The following ANKS1B variants were observed in gnomAD, a reference collection of about 807,000 sequenced individuals.
ANKS1B encodes ankyrin repeat and sterile alpha motif domain-containing protein 1B.
Under a neutral mutation model 148.3 loss-of-function variants are expected in ANKS1B, and 36 were observed. The observed-to-expected ratio is 0.24, with a 90% CI of 0.19 to 0.32. The LOEUF (loss-of-function observed/expected upper bound fraction) is 0.32. Among genes scored for constraint, ANKS1B ranks in the 10% least tolerant of loss-of-function variants. ANKS1B has a pLI of 1.00. For missense variants in ANKS1B, 1,157 were observed against 1,542.6 expected (o/e 0.75, Z 4.19); for synonymous variants, 542 against 560.8 (o/e 0.97, Z 0.47).
intron 8 of ANKS1B, among the ~76,000 whole-genome samples, chr12:99,745,440 A>G (rs1263492956): frequency 6.6e-6 from 1 of 152,226 alleles, no homozygotes; most frequent in Non-Finnish European, 1.5e-5. Context: ...AAGCACTTCA[A>G]AAAACAACAT....
chr12:99,570,639 T>G (rs1023270783), intron 9 of ANKS1B, among the ~76,000 whole-genome samples: 5 of 141,416 alleles, frequency 3.5e-5, no homozygotes, highest in Non-Finnish European at 7.7e-5. Context: ...GAGCGAGACT[T>G]CGTCTCAAAA....
chr12:99,638,849 C>T (rs2098270720), intron 9 of ANKS1B, among the ~76,000 whole-genome samples: 1 of 152,190 alleles, frequency 6.6e-6, no homozygotes, highest in South Asian at 2.1e-4. Flanking sequence ...AACTTGGCGC[C>T]CTGCATCCCA....
At chr12:99,612,211 A>G (rs2097908742) in intron 9 of ANKS1B, among the ~76,000 whole-genome samples, 1 of 152,086 alleles carries the variant, frequency 6.6e-6, no homozygotes, top group South Asian at 2.1e-4. Flanking sequence ...CATATCCCAA[A>G]GATTAATGGT....
chr12:99,064,530 C>T (rs2043446747), intron 16 of ANKS1B, among the ~76,000 whole-genome samples: 5 of 152,182 alleles, frequency 3.3e-5, no homozygotes, highest in African/African-American at 9.7e-5. Context: ...AGTTAAGTTG[C>T]CAATGCAGCC....
At chr12:99,325,932 G>A (rs904880208) in intron 12 of ANKS1B, among the ~76,000 whole-genome samples, 6 of 151,980 alleles carry the variant, frequency 3.9e-5, no homozygotes, top group Non-Finnish European at 7.4e-5. Context: ...AGCATGGCTC[G>A]GAGGCCTCAG....
intron 9 of ANKS1B, among the ~76,000 whole-genome samples, chr12:99,590,254 CCACCCA>C (rs1325907011): frequency 2.5e-4 from 33 of 130,324 alleles, no homozygotes; most frequent in East Asian, 1.2e-3. Flanking sequence ...ACACCCACAC[CCACCCA>C]CACACACACA....
intron 9 of ANKS1B, among the ~76,000 whole-genome samples, chr12:99,583,733 A>G (rs78885406): frequency 0.019 from 2,846 of 152,352 alleles, 82 homozygotes; most frequent in South Asian, 0.075. Flanking sequence ...AGATCAACAA[A>G]TATTTATGAA....
intron 14 of ANKS1B, among the ~76,000 whole-genome samples, chr12:99,160,669 T>C (rs1268880293): frequency 6.6e-6 from 1 of 152,130 alleles, no homozygotes; most frequent in Non-Finnish European, 1.5e-5. Context: ...TCTTATAGTT[T>C]GAGGTCTTAC....
intron 14 of ANKS1B, among the ~76,000 whole-genome samples, chr12:99,241,050 A>G (rs1391252189): frequency 1.3e-5 from 2 of 152,222 alleles, no homozygotes; most frequent in Non-Finnish European, 2.9e-5. Flanking sequence ...TTAAGATCAG[A>G]GCAGAATTGA....
chr12:99,197,004 A>T (rs183716737), intron 14 of ANKS1B, among the ~76,000 whole-genome samples: 2 of 152,220 alleles, frequency 1.3e-5, no homozygotes, highest in East Asian at 3.9e-4. Context: ...GCCAAGGGAG[A>T]TATCCTCTCT....
chr12:98,800,828 T>G (rs939373245), intron 21 of ANKS1B, among the ~76,000 whole-genome samples, 169 bp downstream of exon 21: 49 of 152,024 alleles, frequency 3.2e-4, no homozygotes, highest in Admixed American at 6.6e-5. Context: ...TATTTGGACT[T>G]TCTCTTTGGA....
intron 12 of ANKS1B, among the ~76,000 whole-genome samples, chr12:99,330,976 A>T (rs2087419460): frequency 6.6e-6 from 1 of 152,004 alleles, no homozygotes; most frequent in Non-Finnish European, 1.5e-5. Context: ...CTTCAAATAC[A>T]TCATTTTTAT....
chr12:99,041,101 A>T (rs1483733329), intron 17 of ANKS1B, among the ~76,000 whole-genome samples: 1 of 152,186 alleles, frequency 6.6e-6, no homozygotes, highest in Non-Finnish European at 1.5e-5. Context: ...CCAAGAACAT[A>T]ACACTGGGGA....
chr12:98,969,005 C>T (rs886922154), intron 17 of ANKS1B, among the ~76,000 whole-genome samples: 23 of 152,116 alleles, frequency 1.5e-4, no homozygotes, highest in Admixed American at 7.2e-4. Context: ...TCTAATGATG[C>T]GTTGGTTTTC....
chr12:99,085,176 C>T (rs753805060), intron 15 of ANKS1B, 153 bp from the exon 16 acceptor site: 16 of 650,554 alleles, frequency 2.5e-5, no homozygotes, highest in Middle Eastern at 8.4e-4. Context: ...AGGGCAGAGT[C>T]GGTCACCTTG....
chr12:98,937,269 C>T (rs936066122), intron 17 of ANKS1B, among the ~76,000 whole-genome samples: 5 of 151,856 alleles, frequency 3.3e-5, no homozygotes, highest in African/African-American at 1.2e-4. Flanking sequence ...TTATGAAAAC[C>T]ATAAACACAC....
chr12:99,973,573 C>A (rs1264033937), intron 1 of ANKS1B, among the ~76,000 whole-genome samples: 1 of 152,150 alleles, frequency 6.6e-6, no homozygotes, highest in Non-Finnish European at 1.5e-5. Context: ...CAGAGTGAGA[C>A]CCTATCACAA....
intron 15 of ANKS1B, among the ~76,000 whole-genome samples, chr12:99,130,567 C>T (rs941885198): frequency 6.6e-6 from 1 of 152,140 alleles, no homozygotes; most frequent in Admixed American, 6.5e-5. Flanking sequence ...AGCTAATAAG[C>T]TCCTCTTCCT....
intron 1 of ANKS1B, among the ~76,000 whole-genome samples, chr12:99,877,091 CA>C (rs1350123132): frequency 4.7e-4 from 71 of 152,182 alleles, no homozygotes; most frequent in African/African-American, 1.6e-3. Flanking sequence ...ATACCCACTT[CA>C]CCCCCCCACC....
Sources: allele counts gnomAD v4.1 joint callset (sites outside exome capture counted in the v4.1 genomes callset), GRCh38; gene constraint gnomAD v4.1.1; transcripts MANE v1.5; gene names NCBI Gene and HGNC (gene_info 2026-07-23, HGNC 2026-07-21).